The following SLC25A21 variants were observed in gnomAD, a reference collection of about 807,000 sequenced individuals.
SLC25A21 encodes solute carrier family 25 member 21.
A neutral mutation model predicts 43.8 loss-of-function variants in SLC25A21; 47 were observed. That is an observed-to-expected ratio of 1.07 (90% CI 0.85 to 1.37). SLC25A21 has a LOEUF of 1.37. Among genes scored for constraint, SLC25A21 ranks in the 40% most tolerant of loss-of-function variants. The probability of loss-of-function intolerance (pLI) is 0.00; values close to 1 mark genes in which losing one functional copy is unlikely to be tolerated. For missense variants in SLC25A21, 352 were observed against 350.2 expected (o/e 1.00, Z -0.04); for synonymous variants, 131 against 121.3 (o/e 1.08, Z -0.52).
intron 1 of SLC25A21, among the ~76,000 whole-genome samples, chr14:37,040,200 GAAAGAAAAAAAGAA>G (rs1187058778): frequency 9.9e-6 from 1 of 101,482 alleles, no homozygotes; most frequent in Non-Finnish European, 1.9e-5. Context: ...AATCCAAGAA[GAAAGAAAAAAAGAA>G]AAAGAAAAAG....
chr14:36,817,848 T>G (rs1328303599), intron 2 of SLC25A21, among the ~76,000 whole-genome samples: 1 of 152,200 alleles, frequency 6.6e-6, no homozygotes, highest in Non-Finnish European at 1.5e-5. Context: ...TCTGACAGCT[T>G]GTGCAAACGT....
chr14:36,829,798 C>T (rs957894958), intron 2 of SLC25A21, among the ~76,000 whole-genome samples: 1 of 152,198 alleles, frequency 6.6e-6, no homozygotes, highest in Non-Finnish European at 1.5e-5. Context: ...GTGGTGGTGG[C>T]TTGCCAAGGA....
intron 2 of SLC25A21, among the ~76,000 whole-genome samples, chr14:36,818,159 C>T (rs1262164036): frequency 6.6e-6 from 1 of 152,100 alleles, no homozygotes; most frequent in East Asian, 1.9e-4. Context: ...GCTAGCACCA[C>T]TCTTATTGGG....
intron 3 of SLC25A21, among the ~76,000 whole-genome samples, chr14:36,803,837 T>C (rs1296040161): frequency 6.6e-6 from 1 of 152,154 alleles, no homozygotes; most frequent in Admixed American, 6.6e-5. Flanking sequence ...TTATTTCATG[T>C]TTCATGAGGT....
intron 1 of SLC25A21, 148 bp downstream of exon 1, chr14:37,172,133 C>G (rs926875549): frequency 1.2e-6 from 1 of 824,540 alleles, no homozygotes; most frequent in African/African-American, 1.7e-5. Flanking sequence ...GCTCTCGCGC[C>G]TCTAGGGGCT....
intron 1 of SLC25A21, among the ~76,000 whole-genome samples, chr14:37,006,369 T>C (rs1960604054): frequency 6.6e-6 from 1 of 152,108 alleles, no homozygotes; most frequent in African/African-American, 2.4e-5. Context: ...TGAGTCCTAT[T>C]TTCCTCTCTT....
At chr14:36,960,567 T>C (rs1959464012) in intron 1 of SLC25A21, among the ~76,000 whole-genome samples, 1 of 152,198 alleles carries the variant, frequency 6.6e-6, no homozygotes, top group Non-Finnish European at 1.5e-5. Flanking sequence ...GACACCATTC[T>C]CTTGCCATCC....
At chr14:37,034,659 C>T (rs1395445463) in intron 1 of SLC25A21, among the ~76,000 whole-genome samples, 1 of 152,190 alleles carries the variant, frequency 6.6e-6, no homozygotes, top group Non-Finnish European at 1.5e-5. Context: ...CGCGTGCATC[C>T]ACCAACTCAC....
In SLC25A21 at chr14:36,680,064, AG is replaced by A; in HGVS notation, c.*593del. 5 of 862,582 alleles carry A rather than the reference AG, an allele frequency of 5.8e-6. No individual in the cohort carries two copies. The highest frequency in any genetic ancestry group is 7.0e-6 in the Non-Finnish European group (5 of 718,958). The allele number at this position is 862,582 out of a possible 1,614,324, so 53.4% of individuals were successfully genotyped here. A position where few individuals can be genotyped will look rare whatever the true frequency, so the allele number is the denominator to read the frequency against. On this transcript the variant is annotated 3_prime_UTR_variant, in exon 10 of 10. Transcript: ENST00000331299. Reference sequence around the variant, plus strand: ...AGGAAAATAGAGCTGATATGTGCATAGTTACTAAAAAAAACCAACAGATTTA... The same window carrying A: ...AGGAAAATAGAGCTGATATGTGCATATTACTAAAAAAAACCAACAGATTTA...
chr14:36,923,402 C>T (rs1015163744), intron 1 of SLC25A21, among the ~76,000 whole-genome samples: 2 of 151,902 alleles, frequency 1.3e-5, no homozygotes, highest in Non-Finnish European at 2.9e-5. Flanking sequence ...CATTCATTGC[C>T]GGCACCTGTA....
At chr14:37,036,565 G>A (rs1594762688) in intron 1 of SLC25A21, among the ~76,000 whole-genome samples, 2 of 152,062 alleles carry the variant, frequency 1.3e-5, no homozygotes, top group East Asian at 1.9e-4. Flanking sequence ...GTCAACATAG[G>A]GAGGACCCGT....
chr14:36,756,942 A>G (rs1885955283), intron 3 of SLC25A21, among the ~76,000 whole-genome samples: 1 of 152,142 alleles, frequency 6.6e-6, no homozygotes, highest in Non-Finnish European at 1.5e-5. Flanking sequence ...TCATAGACCA[A>G]TACTTTTGTA....
intron 3 of SLC25A21, among the ~76,000 whole-genome samples, chr14:36,792,504 C>T (rs920694892): frequency 2.6e-5 from 4 of 151,996 alleles, no homozygotes; most frequent in African/African-American, 9.7e-5. Context: ...AATGTTGGAC[C>T]AAGTATTAAA....
At chr14:37,132,427 A>C (rs1963406630) in intron 1 of SLC25A21, among the ~76,000 whole-genome samples, 1 of 152,148 alleles carries the variant, frequency 6.6e-6, no homozygotes, top group Non-Finnish European at 1.5e-5. Flanking sequence ...GTGCAAATTT[A>C]AAGGTGTGTC....
chr14:36,917,664 C>T (rs1310877466), intron 1 of SLC25A21, among the ~76,000 whole-genome samples: 5 of 151,840 alleles, frequency 3.3e-5, no homozygotes, highest in African/African-American at 7.3e-5. Flanking sequence ...AACAATAGGA[C>T]AAAAAATATA....
chr14:36,938,271 A>AT (rs1359661997), intron 1 of SLC25A21, among the ~76,000 whole-genome samples: 1 of 152,178 alleles, frequency 6.6e-6, no homozygotes, highest in African/African-American at 2.4e-5. Flanking sequence ...GTAACAAATC[A>AT]ACTCCCCTAG....
At position 36,680,573 on chromosome 14, in the gene SLC25A21, C is replaced by T. The variant is rs75665214; in HGVS notation, c.*85G>A. The stretch of plus-strand genomic sequence containing the variant: ...CAGTTTTCTCCTTCATAATTATACA[C>T]CTGGCCGATCGATAGTCTCTCTTCT... On this transcript the variant is annotated 3_prime_UTR_variant, in exon 10 of 10. Transcript: ENST00000331299. 11,202 of 1,511,882 alleles carry T rather than the reference C, an allele frequency of 7.4e-3. 68 individuals carry two copies. Among genetic ancestry groups the T allele is most frequent in the Middle Eastern group, 0.01 (58 of 5,674 alleles). 93.7% of individuals were successfully genotyped at this position (1,511,882 alleles called of 1,614,324 possible). A position where few individuals can be genotyped will look rare whatever the true frequency, so the allele number is the denominator to read the frequency against.
chr14:37,144,277 A>G (rs370707918), intron 1 of SLC25A21, among the ~76,000 whole-genome samples: 6 of 152,350 alleles, frequency 3.9e-5, no homozygotes, highest in African/African-American at 1.4e-4. Context: ...AGGCCTTTGT[A>G]TTACTTATCT....
intron 2 of SLC25A21, among the ~76,000 whole-genome samples, chr14:36,852,684 C>T (rs1413827412): frequency 6.6e-5 from 10 of 152,012 alleles, no homozygotes; most frequent in Non-Finnish European, 1.3e-4. Flanking sequence ...TATGTGTGAG[C>T]ATGTGTTTAG....
Sources: allele counts gnomAD v4.1 joint callset (sites outside exome capture counted in the v4.1 genomes callset), GRCh38; gene constraint gnomAD v4.1.1; transcripts MANE v1.5; gene names NCBI Gene and HGNC (gene_info 2026-07-23, HGNC 2026-07-21).